The following GSE1 variants were observed in gnomAD, a reference collection of about 807,000 sequenced individuals.
The protein encoded by GSE1 is genetic suppressor element 1.
GSE1 carries 32 observed loss-of-function variants against 112.6 expected under a neutral mutation model. The ratio of observed to expected loss-of-function variants is 0.28; its 90% confidence interval spans 0.21 to 0.38. The LOEUF (loss-of-function observed/expected upper bound fraction) is 0.38, where lower values mean the gene tolerates loss of function less well. GSE1 is among the 10% of genes least tolerant of loss of function. The pLI is 1.00. For missense variants in GSE1, 2,348 were observed against 1,699.2 expected (o/e 1.38, Z -6.71); for synonymous variants, 1,115 against 735.6 (o/e 1.52, Z -8.35).
intron 2 of GSE1, among the ~76,000 whole-genome samples, chr16:85,382,858 A>G (rs2047582316): frequency 6.6e-6 from 1 of 151,438 alleles, no homozygotes; most frequent in East Asian, 1.9e-4. Context: ...ATACATGTGC[A>G]CACACAGCAC....
At chr16:85,547,754 G>T (rs138545563) in intron 2 of GSE1, among the ~76,000 whole-genome samples, 1 of 151,746 alleles carries the variant, frequency 6.6e-6, no homozygotes, top group Non-Finnish European at 1.5e-5. Context: ...GGTGGCATGT[G>T]CCTGTAATCA....
chr16:85,293,756 G>T (rs943194068), intron 1 of GSE1, among the ~76,000 whole-genome samples: 1 of 152,058 alleles, frequency 6.6e-6, no homozygotes, highest in African/African-American at 2.4e-5. Flanking sequence ...CCATCTCTCC[G>T]ATCACTGAAC....
intron 2 of GSE1, among the ~76,000 whole-genome samples, chr16:85,442,764 C>T (rs1460289672): frequency 6.6e-6 from 1 of 152,198 alleles, no homozygotes; most frequent in African/African-American, 2.4e-5. Flanking sequence ...TTAGTGGCTG[C>T]AGTAACATAT....
At chr16:85,519,015 G>A (rs1454554971) in intron 2 of GSE1, among the ~76,000 whole-genome samples, 13 of 152,228 alleles carry the variant, frequency 8.5e-5, no homozygotes, top group East Asian at 3.9e-4. Flanking sequence ...AGATCCCAGC[G>A]CCTCCCTCAC....
At chr16:85,342,355 C>A (rs534030637) in intron 1 of GSE1, among the ~76,000 whole-genome samples, 7 of 152,288 alleles carry the variant, frequency 4.6e-5, no homozygotes, top group African/African-American at 1.7e-4. Flanking sequence ...ATACCCTTGG[C>A]AGGGGCTGGG....
At chr16:85,339,089 C>T (rs182473462) in intron 1 of GSE1, among the ~76,000 whole-genome samples, 2 of 152,300 alleles carry the variant, frequency 1.3e-5, no homozygotes, top group Admixed American at 6.5e-5. Flanking sequence ...TGCTCTCTTC[C>T]CCTGAACCTT....
chr16:85,574,107 C>T (rs912184169), intron 1 of GSE1, among the ~76,000 whole-genome samples: 3 of 152,214 alleles, frequency 2.0e-5, no homozygotes, highest in Non-Finnish European at 2.9e-5. Flanking sequence ...AAGCAGCCCC[C>T]GGAGCCTGAG....
intron 1 of GSE1, among the ~76,000 whole-genome samples, chr16:85,237,391 G>T (rs370323910): frequency 6.6e-6 from 1 of 152,174 alleles, no homozygotes; most frequent in Admixed American, 6.5e-5. Flanking sequence ...TGGTAGAGGA[G>T]GTGTGAGCTG....
intron 8 of GSE1, among the ~76,000 whole-genome samples, chr16:85,658,372 T>G (rs1038139461): frequency 1.3e-5 from 2 of 152,236 alleles, no homozygotes; most frequent in African/African-American, 4.8e-5. Context: ...ACACTGATTC[T>G]GTTCCCTGAG....
At chr16:85,276,108 G>A (rs1181411057) in intron 1 of GSE1, among the ~76,000 whole-genome samples, 2 of 152,246 alleles carry the variant, frequency 1.3e-5, no homozygotes, top group East Asian at 1.9e-4. Context: ...CTTTACAGAT[G>A]GGGAAACTGA....
At chr16:85,243,700 G>A (rs1345821716) in intron 1 of GSE1, among the ~76,000 whole-genome samples, 1 of 152,228 alleles carries the variant, frequency 6.6e-6, no homozygotes, top group African/African-American at 2.4e-5. Context: ...GTGAGCATGT[G>A]TGTGGACGCA....
rs146498039 is a variant in GSE1, at chr16:85,663,009, C to T, written c.2289C>T (p.Tyr763=). Residue 763 remains tyrosine, a synonymous_variant, in exon 10 of 16, where the codon TAC becomes TAT. Transcript: ENST00000253458. ...KGYYYDLDDS[Y]DESDEEEVRA... ...ACTACTACGACCTCGATGACTCTTA[C>T]GACGAGAGCGATGAGGAGGAGGTCA... The T allele has an allele frequency of 9.7e-4, 1,571 of 1,612,554 alleles. 2 individuals carry two copies. Among genetic ancestry groups the T allele is most frequent in the Middle Eastern group, 8.6e-3 (52 of 6,058 alleles).
intron 1 of GSE1, among the ~76,000 whole-genome samples, chr16:85,198,682 C>A (rs1000768493): frequency 2.0e-5 from 3 of 152,148 alleles, no homozygotes; most frequent in Non-Finnish European, 4.4e-5. Flanking sequence ...CCATTTGATT[C>A]CGCCCTACAC....
At chr16:85,357,507 C>T (rs2151571925) in exon 2 of GSE1, 1 of 1,261,260 alleles carries the variant, frequency 7.9e-7, no homozygotes, top group East Asian at 5.7e-5. Context: ...GCCACCCTCC[C>T]ACCCGGGAGT....
At chr16:85,526,178 G>T (rs2052358441) in intron 2 of GSE1, among the ~76,000 whole-genome samples, 2 of 152,220 alleles carry the variant, frequency 1.3e-5, no homozygotes, top group African/African-American at 4.8e-5. Flanking sequence ...GTGCTCAGCA[G>T]CAAAAGACAC....
At chr16:85,472,973 G>A (rs1463964191) in intron 2 of GSE1, among the ~76,000 whole-genome samples, 2 of 152,232 alleles carry the variant, frequency 1.3e-5, no homozygotes, top group East Asian at 1.9e-4. Context: ...AAGCCCACTG[G>A]GCTCCTCTCC....
rs549939400 is a variant in GSE1 at position 85,363,684 on chromosome 16, G to A, written c.2464+6041G>A. On this transcript the variant is annotated intron_variant, in intron 2 of 2. Transcript: ENST00000637419. ...TGCAAAAGCCTGATTTTCCCATGCT[G>A]TGCCTCAGTTTACCCGTGGGTACTG... is the stretch of plus-strand genomic sequence containing the variant. Among the ~76,000 whole-genome samples the A allele has an allele frequency of 1.6e-3, 247 of 152,316 alleles. 5 individuals are homozygous for A. Among genetic ancestry groups the A allele is most frequent in the Admixed American group, 0.014 (214 of 15,300 alleles).
At chr16:85,521,764 C>A (rs2052193800) in intron 2 of GSE1, among the ~76,000 whole-genome samples, 1 of 152,240 alleles carries the variant, frequency 6.6e-6, no homozygotes, top group Non-Finnish European at 1.5e-5. Context: ...CTGGAGCCGC[C>A]CTGAGAGGGG....
chr16:85,671,603 G>C (rs1361373151), intron 15 of GSE1, among the ~76,000 whole-genome samples: 1 of 152,144 alleles, frequency 6.6e-6, no homozygotes, highest in Admixed American at 6.5e-5. Context: ...GACAGAGCAA[G>C]ACCACTGTCT....
Sources: allele counts gnomAD v4.1 joint callset (sites outside exome capture counted in the v4.1 genomes callset), GRCh38; gene constraint gnomAD v4.1.1; transcripts MANE v1.5; gene names NCBI Gene and HGNC (gene_info 2026-07-23, HGNC 2026-07-21).